PYCR1: variants seen among roughly 807,000 people sequenced by gnomAD.
PYCR1 encodes pyrroline-5-carboxylate reductase 1, mitochondrial.
Under a neutral mutation model 22.9 loss-of-function variants are expected in PYCR1, and 19 were observed. The ratio of observed to expected loss-of-function variants is 0.83; its 90% CI spans 0.58 to 1.22. The LOEUF is 1.22. Ranked by LOEUF, PYCR1 falls within the 50% of genes most tolerant of loss-of-function variation. The probability of loss-of-function intolerance (pLI) is 0.00; values close to 1 mark genes in which losing one functional copy is unlikely to be tolerated. For missense variants in PYCR1, 429 were observed against 431.3 expected (o/e 0.99, Z 0.05); for synonymous variants, 175 against 180.5 (o/e 0.97, Z 0.24).
chr17:81,934,282 T>C, intron 6 of PYCR1, 44 bp downstream of exon 6: 3 of 1,609,470 alleles, frequency 1.9e-6, no homozygotes, highest in South Asian at 2.2e-5. Context: ...GCCTCTGCCA[T>C]GCAAGGACTG....
At position 81,935,016 on chromosome 17, in the gene PYCR1, C is replaced by T. The variant is rs1417843053; in HGVS notation, c.450G>A (p.Glu150=). ...AGAAGCCCACGCTGCTCAGCAGCTG[C>T]TCCATGAGCCTCCCGTCCTCCACCT... is the stretch of plus-strand genomic sequence containing the variant. The part of the protein sequence containing the change: ...HAQVEDGRLM[E]QLLSSVGFCT... Residue 150 remains glutamate, a synonymous_variant, in exon 4 of 7, where the codon GAG becomes GAA. Coordinates refer to ENST00000329875, the MANE Select transcript of PYCR1 (RefSeq NM_006907.4). 3 of 1,610,176 alleles carry T rather than the reference C, an allele frequency of 1.9e-6. No homozygotes were observed. In the African/African-American group the frequency reaches 4.0e-5, roughly 21 times the overall value.
Position 81,935,457 on chromosome 17 carries a change from G to A in PYCR1, c.198C>T (p.Leu66=), listed in dbSNP as rs767680322. ...TGATGTGTGGCTTCACAGCCAGGAA[G>A]AGCACATCACTGTGCTGCACCGTCT... ...NKETVQHSDV[L]FLAVKPHIIP... Residue 66 remains leucine, a synonymous_variant, in exon 3 of 7, where the codon CTC becomes CTT. Transcript: ENST00000329875. 6.2e-7 allele frequency: 1 copy of A among 1,613,278 alleles called. No individual in the cohort carries two copies. The highest frequency in any genetic ancestry group is 8.5e-7 in the Non-Finnish European group (1 of 1,179,884).
chr17:81,935,404 G>C lies in PYCR1; in HGVS notation c.251C>G (p.Ala84Gly). Residue 84 changes from alanine to glycine, a missense_variant, in exon 3 of 7, where the codon GCC becomes GGC. By Grantham distance (60) the Ala-to-Gly change is moderately conservative. Coordinates refer to ENST00000329875, the MANE Select transcript of PYCR1 (RefSeq NM_006907.4). ...IIPFILDEIG[A>G]DIEDRHIVVS... ...CACAATGTGTCTGTCCTCAATGTCGGCGCCTATTTCATCCAGGATGAAGGG... is the reference window on the plus strand; with the variant it reads ...CACAATGTGTCTGTCCTCAATGTCGCCGCCTATTTCATCCAGGATGAAGGG... The C allele has an allele frequency of 1.9e-6, 3 of 1,613,652 alleles. No individual in the cohort carries two copies. The highest frequency in any genetic ancestry group is 2.5e-6 in the Non-Finnish European group (3 of 1,180,004).
chr17:81,936,840 G>GC lies in PYCR1; in HGVS notation c.-27dup. ...GCTGTCCGGAGACCCCTGGCCCAAAGCCCCCACAGATGGCACCGGCTCTGC... is the reference window on the plus strand; with the variant it reads ...GCTGTCCGGAGACCCCTGGCCCAAAGCCCCCCACAGATGGCACCGGCTCTGC... On this transcript the variant is annotated 5_prime_UTR_variant, in exon 1 of 7. Coordinates refer to ENST00000329875, the MANE Select transcript of PYCR1 (RefSeq NM_006907.4). 2 of 1,599,284 alleles carry GC rather than the reference G, an allele frequency of 1.3e-6. No homozygotes were observed. The highest frequency in any genetic ancestry group is 1.3e-5 in the African/African-American group (1 of 74,912).
Position 81,936,809 on chromosome 17 carries a change from G to A in PYCR1, c.6C>T (p.Ser2=). The part of the protein sequence containing the change: M[S]VGFIGAGQLA... The stretch of plus-strand genomic sequence containing the variant: ...GCTGGCCAGCGCCGATGAAGCCCAC[G>A]CTCATGCTGTCCGGAGACCCCTGGC... The change falls in exon 1 of 7, where the codon AGC becomes AGT. Residue 2 remains serine (S), a synonymous_variant. Transcript: ENST00000329875. 6.2e-7 allele frequency: 1 copy of A among 1,609,328 alleles called. No homozygotes were observed. Among genetic ancestry groups the A allele is most frequent in the Non-Finnish European group, 8.5e-7 (1 of 1,178,744 alleles).
chr17:81,934,229 C>G, intron 6 of PYCR1, 97 bp downstream of exon 6: 1 of 1,533,950 alleles, frequency 6.5e-7, no homozygotes, highest in Non-Finnish European at 8.8e-7. Flanking sequence ...GAGCTCAATA[C>G]GTATCTGCTG....
In PYCR1 at chr17:81,933,384, G is replaced by A. The variant is rs756964865; in HGVS notation, c.798-8C>T. The A allele has an allele frequency of 1.9e-6, 3 of 1,613,364 alleles. No homozygotes were observed. Among genetic ancestry groups the A allele is most frequent in the African/African-American group, 1.3e-5 (1 of 74,924 alleles). On this transcript the variant is annotated splice_region_variant and splice_polypyrimidine_tract_variant and intron_variant, in intron 6 of 6. Coordinates refer to ENST00000329875, the MANE Select transcript of PYCR1 (RefSeq NM_006907.4). The stretch of plus-strand genomic sequence containing the variant: ...GCCATGGACTGCAGCTCCCTAGAGA[G>A]GCAGGGAGAGGTTGGCTTTGGAGCA...
rs1011629889 is a variant in PYCR1, at chr17:81,935,397, A to C, written c.258T>G (p.Ile86Met). The C allele has an allele frequency of 1.2e-6, 2 of 1,613,632 alleles. No homozygotes were observed. Among genetic ancestry groups the C allele is most frequent in the East Asian group, 4.5e-5 (2 of 44,888 alleles). The change falls in exon 3 of 7, where the codon ATT becomes ATG. Residue 86 changes from isoleucine to methionine, a missense_variant. Ile to Met is a conservative substitution (Grantham distance 10). Transcript: ENST00000329875. ...PFILDEIGAD[I>M]EDRHIVVSCA... ...AGGACACCACAATGTGTCTGTCCTC[A>C]ATGTCGGCGCCTATTTCATCCAGGA...
chr17:81,933,742 G>A (rs1171015964), intron 6 of PYCR1, among the ~76,000 whole-genome samples: 1 of 152,224 alleles, frequency 6.6e-6, no homozygotes, highest in Non-Finnish European at 1.5e-5. Context: ...CTGGACTGGA[G>A]AGTGGGCAGT....
Position 81,934,324 on chromosome 17 carries a change from A to G in PYCR1, c.797+2T>C, listed in dbSNP as rs768235246. ...AGGGAAGCGGGCAGCGCGGGGGCCC[A>G]CCGTGTGCGGATGCAGGAGGCCTCC... is the stretch of plus-strand genomic sequence containing the variant. On this transcript the variant is annotated splice_donor_variant, in intron 6 of 6. Coordinates refer to ENST00000329875, the MANE Select transcript of PYCR1 (RefSeq NM_006907.4). LOFTEE classifies it high-confidence loss of function. 1.2e-5 allele frequency: 19 copies of G among 1,612,666 alleles called. No individual in the cohort carries two copies. The highest frequency in any genetic ancestry group is 6.7e-5 in the East Asian group (3 of 44,884).
rs1256636711 is a variant in PYCR1 at position 81,933,220 on chromosome 17, C to T, written c.954G>A (p.Lys318=). The T allele has an allele frequency of 3.1e-6, 5 of 1,613,810 alleles. No homozygotes were observed. Among genetic ancestry groups the T allele is most frequent in the Non-Finnish European group, 4.2e-6 (5 of 1,179,992 alleles). ...LLPRSLAPAG[K]D ...GGTGGTCAGGCAGGACGTGTCAATCCTTGCCCGCTGGGGCCAGGCTGCGGG... is the reference window on the plus strand; with the variant it reads ...GGTGGTCAGGCAGGACGTGTCAATCTTTGCCCGCTGGGGCCAGGCTGCGGG... The change falls in exon 7 of 7, where the codon AAG becomes AAA. Residue 318 remains lysine, a synonymous_variant. Transcript: ENST00000329875.
chr17:81,934,859 C>T, intron 4 of PYCR1, 67 bp downstream of exon 4: 2 of 1,578,060 alleles, frequency 1.3e-6, no homozygotes, highest in South Asian at 1.1e-5. Flanking sequence ...CCAGGGGGAG[C>T]AGGGACAGAT....
Position 81,934,531 on chromosome 17 carries a change from G to C in PYCR1, c.634-42C>G, listed in dbSNP as rs200681830. ...GGCTGACGGCTGTGGGCACGCACCT[G>C]CCTCTGCGGGGCACTGCCCCAGCCA... is the stretch of plus-strand genomic sequence containing the variant. On this transcript the variant is annotated intron_variant, in intron 5 of 6. Transcript: ENST00000329875. The C allele has an allele frequency of 1.1e-4, 166 of 1,563,612 alleles. No homozygotes were observed. In the East Asian group the frequency reaches 3.3e-3, roughly 31 times the overall value.
At chr17:81,934,087 AGCACAGG>A (rs2041078435) in intron 6 of PYCR1, 1 of 604,384 alleles carries the variant, frequency 1.7e-6, no homozygotes, top group Non-Finnish European at 3.0e-6. Flanking sequence ...CTATGTGGGG[AGCACAGG>A]GCACAGCATC....
In PYCR1 at chr17:81,934,969, A is replaced by C. The variant is rs2041133963; in HGVS notation, c.497T>G (p.Leu166Arg). Residue 166 changes from leucine to arginine, a missense_variant, in exon 4 of 7, where the codon CTG becomes CGG. Physicochemically the swap from Leu to Arg is moderately radical, Grantham distance 102 (BLOSUM62 -2). Coordinates refer to ENST00000329875, the MANE Select transcript of PYCR1 (RefSeq NM_006907.4). ...ACTGAGCCCCGTGACGGCATCAATC[A>C]GGTCCTCTTCCACCTCCGTGCAGAA... ...VGFCTEVEED[L>R]IDAVTGLSGS... is the part of the protein sequence containing the mutation. 6.2e-7 allele frequency: 1 copy of C among 1,609,606 alleles called. No individual in the cohort carries two copies. Among genetic ancestry groups the C allele is most frequent in the East Asian group, 2.2e-5 (1 of 44,884 alleles).
Position 81,933,119 on chromosome 17 carries a change from G to A in PYCR1, c.*95C>T. The A allele has an allele frequency of 1.2e-6, 2 of 1,603,968 alleles. No individual in the cohort carries two copies. The highest frequency in any genetic ancestry group is 2.2e-5 in the South Asian group (2 of 90,600). On this transcript the variant is annotated 3_prime_UTR_variant, in exon 7 of 7. Coordinates refer to ENST00000329875, the MANE Select transcript of PYCR1 (RefSeq NM_006907.4). Reference sequence around the variant, plus strand: ...CCCTGGCTGGCCCCTGCGCTGATCAGAGCCACAGAAAGTGGGCCACTTTGG... The same window carrying A: ...CCCTGGCTGGCCCCTGCGCTGATCAAAGCCACAGAAAGTGGGCCACTTTGG...
In PYCR1 at chr17:81,933,105, C is replaced by G; in HGVS notation, c.*109G>C. ...CTCCCTGGCTATGTCCCTGGCTGGC[C>G]CCTGCGCTGATCAGAGCCACAGAAA... On this transcript the variant is annotated 3_prime_UTR_variant, in exon 7 of 7. Transcript: ENST00000329875. 1 of 1,599,522 alleles carries G rather than the reference C, an allele frequency of 6.3e-7. No individual in the cohort carries two copies. The highest frequency in any genetic ancestry group is 8.5e-7 in the Non-Finnish European group (1 of 1,177,702).
At position 81,933,261 on chromosome 17, in the gene PYCR1, G is replaced by A. The variant is rs749464021; in HGVS notation, c.913C>T (p.His305Tyr). 2.5e-6 allele frequency: 4 copies of A among 1,613,962 alleles called. No individual in the cohort carries two copies. In the East Asian group the frequency reaches 6.7e-5, roughly 27 times the overall value. The change falls in exon 7 of 7, where the codon CAC becomes TAC. Residue 305 changes from histidine (H) to tyrosine (Y), a missense_variant. Physicochemically the swap from His to Tyr is moderately conservative, Grantham distance 83. Transcript: ENST00000329875. ...PAGTALSPSG[H>Y]TKLLPRSLAP... ...AGGCTGCGGGGGAGCAGCTTGGTGT[G>A]GCCAGAAGGTGACAGAGCGGTCCCT...
chr17:81,932,872 C>T lies in PYCR1; in HGVS notation c.*342G>A, dbSNP rs2041025489. ...AGCCTTCACAGAGGGGGTCCTTGAC[C>T]TTTGCTCTCAGGAAGGAGCCCGTGC... On this transcript the variant is annotated 3_prime_UTR_variant, in exon 7 of 7. Coordinates refer to ENST00000329875, the MANE Select transcript of PYCR1 (RefSeq NM_006907.4). 1 of 1,606,584 alleles carries T rather than the reference C, an allele frequency of 6.2e-7. No individual in the cohort carries two copies. The highest frequency in any genetic ancestry group is 8.5e-7 in the Non-Finnish European group (1 of 1,177,156).
Sources: allele counts gnomAD v4.1 joint callset (sites outside exome capture counted in the v4.1 genomes callset), GRCh38; gene constraint gnomAD v4.1.1; transcripts MANE v1.5; gene names NCBI Gene and HGNC (gene_info 2026-07-23, HGNC 2026-07-21).